Variants in RAB27A observed in about 807,000 individuals in gnomAD.
RAB27A encodes the protein RAB27A, member RAS oncogene family.
RAB27A carries 17 observed loss-of-function variants against 20.8 expected under a neutral mutation model. The observed-to-expected ratio is 0.82, with a 90% CI of 0.56 to 1.23. RAB27A has a LOEUF of 1.23. RAB27A is among the 50% of genes most tolerant of loss of function. The pLI, the probability that RAB27A is intolerant of heterozygous loss-of-function variation, is 0.00. For missense variants in RAB27A, 277 were observed against 266.7 expected, an observed-to-expected ratio of 1.04 and a Z score of -0.27; for synonymous variants, 85 against 92.8, an observed-to-expected ratio of 0.92 and a Z score of 0.48.
chr15:55,243,929 AAT>A (rs1488063947), intron 2 of RAB27A, among the ~76,000 whole-genome samples: 2 of 152,210 alleles, frequency 1.3e-5, no homozygotes, highest in Non-Finnish European at 2.9e-5. Context: ...AACATAACAC[AAT>A]ATGACATCAA....
rs1555395487 is a variant in RAB27A at position 55,241,624 on chromosome 15, A to ATGTGTG, written c.-22-6674_-22-6669dup. Among the ~76,000 whole-genome samples the ATGTGTG allele has an allele frequency of 1.3e-3, 147 of 117,382 alleles. 4 individuals carry two copies. The highest frequency in any genetic ancestry group is 5.7e-3 in the African/African-American group (128 of 22,622). 77.0% of individuals were successfully genotyped at this position (117,382 alleles called of 152,430 possible). On this transcript the variant is annotated intron_variant, in intron 2 of 6. Coordinates refer to ENST00000336787, the MANE Select transcript of RAB27A (RefSeq NM_183235.3). ...TTTATATATATATATATATATATAT[A>ATGTGTG]TGTGTGTATATATATTTGTTTTTTT... is the stretch of plus-strand genomic sequence containing the variant.
intron 2 of RAB27A, among the ~76,000 whole-genome samples, chr15:55,256,633 C>G (rs1345954977): frequency 2.6e-5 from 4 of 152,274 alleles, no homozygotes; most frequent in East Asian, 1.9e-4. Flanking sequence ...CAGATATAAT[C>G]CTCTAAGTAC....
chr15:55,256,001 G>A (rs1233613096), intron 2 of RAB27A, among the ~76,000 whole-genome samples: 3 of 152,146 alleles, frequency 2.0e-5, no homozygotes, highest in African/African-American at 7.2e-5. Context: ...TATTTATCTA[G>A]CAAGATTATT....
rs1019648672 is a variant in RAB27A, at chr15:55,275,587, T to C, written c.-142-5303A>G. On this transcript the variant is annotated intron_variant, in intron 1 of 6. Transcript: ENST00000336787. ...GTTGCAGTGAGCAGAGGTTGTGCCA[T>C]TGAACTCCAGCCAGGTGACAGAATG... Among the ~76,000 whole-genome samples, 8 of 151,640 alleles carry C rather than the reference T, an allele frequency of 5.3e-5. No homozygotes were observed. In the East Asian group the frequency reaches 9.7e-4, roughly 18 times the overall value.
chr15:55,291,832 C>T (rs534130116), upstream of RAB27A, among the ~76,000 whole-genome samples: 5 of 152,220 alleles, frequency 3.3e-5, no homozygotes, highest in South Asian at 4.1e-4. Flanking sequence ...TGGTCCCTGA[C>T]GTCAGGACTT....
At chr15:55,317,995 AATAC>A (rs2055067015) in intron 1 of RAB27A, 2 of 337,380 alleles carry the variant, frequency 5.9e-6, no homozygotes, top group Non-Finnish European at 1.1e-5. Flanking sequence ...CAAGAATATA[AATAC>A]ATAAGGAGTA....
At chr15:55,221,752 T>A (rs1361211478) in intron 6 of RAB27A, among the ~76,000 whole-genome samples, 1 of 152,176 alleles carries the variant, frequency 6.6e-6, no homozygotes, top group East Asian at 1.9e-4. Flanking sequence ...TATTGTCGCT[T>A]ATCTGCTGGC....
In RAB27A at chr15:55,205,171, G is replaced by A. The variant is rs2140889659; in HGVS notation, c.*336C>T. On this transcript the variant is annotated 3_prime_UTR_variant, in exon 7 of 7. Transcript: ENST00000336787. ...TCTGGGCCTACCTACATTAAGGCAGGTGACAGTACCCTCATTCATTCTACA... is the reference window on the plus strand; with the variant it reads ...TCTGGGCCTACCTACATTAAGGCAGATGACAGTACCCTCATTCATTCTACA... 1 of 351,342 alleles carries A rather than the reference G, an allele frequency of 2.8e-6. No homozygotes were observed. Among genetic ancestry groups the A allele is most frequent in the African/African-American group, 2.1e-5 (1 of 47,336 alleles). 21.8% of individuals were successfully genotyped at this position (351,342 alleles called of 1,614,324 possible). A position where few individuals can be genotyped will look rare whatever the true frequency, so the allele number is the denominator to read the frequency against.
chr15:55,286,728 G>A (rs1283510416), intron 1 of RAB27A, among the ~76,000 whole-genome samples: 2 of 151,836 alleles, frequency 1.3e-5, no homozygotes, highest in African/African-American at 4.8e-5. Context: ...AAAGCCACTG[G>A]AGAGTTTCAA....
At position 55,203,939 on chromosome 15, in the gene RAB27A, T is replaced by C. The variant is rs1490222055; in HGVS notation, c.*1568A>G. 6.6e-6 allele frequency: 1 copy of C among 152,150 alleles called. No homozygotes were observed. Among genetic ancestry groups the C allele is most frequent in the Non-Finnish European group, 1.5e-5 (1 of 68,032 alleles). The allele number at this position is 152,150 out of a possible 1,614,324, so 9.4% of individuals were successfully genotyped here. ...CATGATACTTTTATTTTTCCTTTTT[T>C]AAAAATAAATTTAGGGGGTACAAGT... is the stretch of plus-strand genomic sequence containing the variant. On this transcript the variant is annotated 3_prime_UTR_variant, in exon 7 of 7. Coordinates refer to ENST00000336787, the MANE Select transcript of RAB27A (RefSeq NM_183235.3).
intron 2 of RAB27A, among the ~76,000 whole-genome samples, chr15:55,257,331 G>A (rs561657082): frequency 6.6e-5 from 10 of 152,142 alleles, no homozygotes; most frequent in Non-Finnish European, 1.0e-4. Flanking sequence ...TTGAGACAGA[G>A]GCAGAGTAGC....
At chr15:55,308,628 CTTG>C (rs1412844068) in intron 2 of RAB27A, among the ~76,000 whole-genome samples, 1 of 152,188 alleles carries the variant, frequency 6.6e-6, no homozygotes, top group African/African-American at 2.4e-5. Context: ...TGAGCAATTA[CTTG>C]TTGACAGTTA....
upstream of RAB27A, among the ~76,000 whole-genome samples, chr15:55,291,643 T>C (rs966815364): frequency 6.6e-6 from 1 of 151,642 alleles, no homozygotes; most frequent in Non-Finnish European, 1.5e-5. Context: ...TGCTAATGGC[T>C]GATATGGCAC....
intron 1 of RAB27A, among the ~76,000 whole-genome samples, chr15:55,271,417 G>A (rs758869734): frequency 2.0e-5 from 3 of 152,204 alleles, no homozygotes; most frequent in Admixed American, 1.3e-4. Flanking sequence ...TGAGGATAGG[G>A]CACAGGTGTC....
At chr15:55,259,224 T>C (rs1595725279) in intron 2 of RAB27A, among the ~76,000 whole-genome samples, 1 of 152,336 alleles carries the variant, frequency 6.6e-6, no homozygotes, top group East Asian at 1.9e-4. Flanking sequence ...TTTTCACTTT[T>C]TTAGTGGCTC....
intron 6 of RAB27A, among the ~76,000 whole-genome samples, chr15:55,220,928 T>G (rs1895540247): frequency 6.6e-6 from 1 of 152,232 alleles, no homozygotes; most frequent in Non-Finnish European, 1.5e-5. Flanking sequence ...TTCTAGCCCT[T>G]TCCTTTCTTC....
intron 6 of RAB27A, among the ~76,000 whole-genome samples, chr15:55,214,795 A>G (rs1012246293): frequency 4.7e-4 from 71 of 152,256 alleles, no homozygotes; most frequent in Middle Eastern, 3.4e-3. Context: ...ACTGGAGTCA[A>G]TATGTGTTTA....
upstream of RAB27A, among the ~76,000 whole-genome samples, chr15:55,294,278 A>AT (rs1405332024): frequency 6.6e-6 from 1 of 152,092 alleles, no homozygotes; most frequent in Non-Finnish European, 1.5e-5. Flanking sequence ...GGAGAACTGG[A>AT]TATCTACATG....
chr15:55,252,711 T>C (rs1896935243), intron 2 of RAB27A, among the ~76,000 whole-genome samples: 1 of 152,122 alleles, frequency 6.6e-6, no homozygotes, highest in South Asian at 2.1e-4. Flanking sequence ...TACGTATCTA[T>C]CTATCTATAT....
Sources: gnomAD v4.1 joint callset for allele counts (sites outside exome capture counted in the v4.1 genomes callset) on GRCh38, gnomAD v4.1.1 for gene constraint, MANE v1.5 for transcripts, NCBI Gene and HGNC (gene_info 2026-07-23, HGNC 2026-07-21) for gene names.